Variants in FGD4 observed in about 807,000 individuals in gnomAD.
The protein encoded by FGD4 is FYVE, RhoGEF and PH domain containing 4, also known as FYVE, RhoGEF and PH domain-containing protein 4.
Under a neutral mutation model 102.0 loss-of-function variants are expected in FGD4, and 42 were observed. The ratio of observed to expected loss-of-function variants is 0.41; its 90% CI spans 0.32 to 0.53. The LOEUF (loss-of-function observed/expected upper bound fraction) is 0.53. Ranked by LOEUF, FGD4 falls within the 20% of genes least tolerant of loss-of-function variation. The pLI is 0.21. For missense variants in FGD4, 902 were observed against 1,078.2 expected (o/e 0.84, Z 2.29); for synonymous variants, 380 against 375.7 (o/e 1.01, Z -0.13).
intron 14 of FGD4, among the ~76,000 whole-genome samples, chr12:32,627,691 T>C (rs1413902707): frequency 6.6e-6 from 1 of 152,180 alleles, no homozygotes; most frequent in African/African-American, 2.4e-5. Context: ...ATGATTTTTC[T>C]CTAACAAGAT....
At chr12:32,611,738 AT>A (rs1413949868) in intron 10 of FGD4, among the ~76,000 whole-genome samples, 2 of 152,260 alleles carry the variant, frequency 1.3e-5, no homozygotes, top group Non-Finnish European at 2.9e-5. Flanking sequence ...TTAGGGAAAT[AT>A]TCTAAGTAAC....
rs137969663 is a variant in FGD4, at chr12:32,598,299, T to C, written c.1012-198T>C. Among the ~76,000 whole-genome samples the C allele has an allele frequency of 3.0e-3, 458 of 152,232 alleles. 4 individuals carry two copies. The highest frequency in any genetic ancestry group is 0.011 in the African/African-American group (442 of 41,568). The stretch of plus-strand genomic sequence containing the variant: ...CTGCTGCAGAGGTCAAAGGAGAAAC[T>C]ATAGTTTAAATCCAGCTGCTTGCTA... On this transcript the variant is annotated intron_variant, in intron 4 of 16. Coordinates refer to ENST00000534526, the MANE Select transcript of FGD4 (RefSeq NM_001370298.3).
chr12:32,425,360 T>C (rs1447321296), intron 1 of FGD4, among the ~76,000 whole-genome samples: 1 of 152,216 alleles, frequency 6.6e-6, no homozygotes, highest in Non-Finnish European at 1.5e-5. Context: ...TTTTGTCAGG[T>C]TTATCAAAGA....
chr12:32,589,216 A>C (rs919385258), intron 4 of FGD4, among the ~76,000 whole-genome samples: 3 of 152,242 alleles, frequency 2.0e-5, no homozygotes, highest in Non-Finnish European at 4.4e-5. Context: ...TCACTTGTGA[A>C]TCAAGATCAA....
intron 1 of FGD4, among the ~76,000 whole-genome samples, chr12:32,504,987 A>T (rs915385424): frequency 6.6e-6 from 1 of 152,170 alleles, no homozygotes. Flanking sequence ...TGAGTCCTTC[A>T]GTTTCTTTGC....
intron 1 of FGD4, among the ~76,000 whole-genome samples, chr12:32,532,993 G>C (rs1019397838): frequency 2.6e-5 from 4 of 152,150 alleles, no homozygotes; most frequent in Admixed American, 1.3e-4. Flanking sequence ...TGAAGTGGGA[G>C]AACAAACCCC....
intron 7 of FGD4, among the ~76,000 whole-genome samples, chr12:32,607,724 G>A (rs531633228): frequency 2.0e-5 from 3 of 152,116 alleles, no homozygotes; most frequent in South Asian, 2.1e-4. Flanking sequence ...CATGTTGGCC[G>A]GGCTGGTCTC....
chr12:32,479,645 T>C (rs1022236882), intron 1 of FGD4, among the ~76,000 whole-genome samples: 1 of 150,470 alleles, frequency 6.6e-6, no homozygotes, highest in African/African-American at 2.4e-5. Flanking sequence ...CCTCTAAAGA[T>C]TTTTTCATAC....
At chr12:32,527,590 C>G (rs1941386748) in intron 1 of FGD4, among the ~76,000 whole-genome samples, 1 of 152,080 alleles carries the variant, frequency 6.6e-6, no homozygotes, top group Admixed American at 6.6e-5. Context: ...CCACCATGCC[C>G]AGCTAATTTT....
chr12:32,594,254 C>T (rs192141544), intron 4 of FGD4, among the ~76,000 whole-genome samples: 58 of 152,248 alleles, frequency 3.8e-4, no homozygotes, highest in Non-Finnish European at 4.1e-4. Context: ...CTGAGCTCCA[C>T]CTCCTGTCAG....
chr12:32,465,231 A>G (rs1943219243), intron 1 of FGD4, among the ~76,000 whole-genome samples: 1 of 151,796 alleles, frequency 6.6e-6, no homozygotes, highest in South Asian at 2.1e-4. Flanking sequence ...CTTACTGATA[A>G]CATAAACAGT....
intron 1 of FGD4, among the ~76,000 whole-genome samples, chr12:32,425,892 T>A (rs1565733120): frequency 6.6e-6 from 1 of 152,200 alleles, no homozygotes; most frequent in Non-Finnish European, 1.5e-5. Context: ...TAGGAATGCT[T>A]GTGATTTTTG....
chr12:32,555,933 C>T (rs1049451079), intron 1 of FGD4, among the ~76,000 whole-genome samples: 3 of 152,046 alleles, frequency 2.0e-5, no homozygotes, highest in Non-Finnish European at 4.4e-5. Flanking sequence ...TCACTGCAAT[C>T]TCAAACTCCT....
intron 1 of FGD4, among the ~76,000 whole-genome samples, chr12:32,405,169 G>T (rs975640311): frequency 6.6e-6 from 1 of 151,622 alleles, no homozygotes; most frequent in African/African-American, 2.4e-5. Context: ...TCCTGACCTT[G>T]TGATCCACCC....
chr12:32,401,829 A>C lies in FGD4; in HGVS notation c.166+1870A>C, dbSNP rs1940677149. Among the ~76,000 whole-genome samples, 3 of 147,562 alleles carry C rather than the reference A, an allele frequency of 2.0e-5. No homozygotes were observed. In the South Asian group the frequency reaches 6.4e-4, roughly 32 times the overall value. On this transcript the variant is annotated intron_variant, in intron 1 of 16. Transcript: ENST00000534526. ...CTGCAACCTCTGCCTCCTGGCTTCA[A>C]GATTCTCCTGTCTCAGCCTCCCGAG...
chr12:32,426,723 T>C (rs1388902815), intron 1 of FGD4, among the ~76,000 whole-genome samples: 5 of 152,312 alleles, frequency 3.3e-5, no homozygotes, highest in Admixed American at 3.3e-4. Flanking sequence ...AGTCTATTAA[T>C]TACTGCCTCA....
intron 1 of FGD4, among the ~76,000 whole-genome samples, chr12:32,530,781 T>G (rs1175763697): frequency 6.6e-6 from 1 of 152,090 alleles, no homozygotes; most frequent in Non-Finnish European, 1.5e-5. Flanking sequence ...TATGGGGAAT[T>G]AATTAGATCA....
At chr12:32,556,124 AG>A (rs1944097641) in intron 1 of FGD4, among the ~76,000 whole-genome samples, 1 of 152,146 alleles carries the variant, frequency 6.6e-6, no homozygotes, top group Admixed American at 6.5e-5. Flanking sequence ...TACAGGCATG[AG>A]CCATCATGCC....
At chr12:32,601,636 G>A (rs1948434368) in intron 6 of FGD4, among the ~76,000 whole-genome samples, 1 of 152,236 alleles carries the variant, frequency 6.6e-6, no homozygotes, top group African/African-American at 2.4e-5. Flanking sequence ...ATCGGGTAAT[G>A]TGGAGCTTCA....
Sources: allele counts gnomAD v4.1 joint callset (sites outside exome capture counted in the v4.1 genomes callset), GRCh38; gene constraint gnomAD v4.1.1; transcripts MANE v1.5; gene names NCBI Gene and HGNC (gene_info 2026-07-23, HGNC 2026-07-21).